The following MARCHF1 variants were observed in gnomAD, a reference collection of about 807,000 sequenced individuals.
MARCHF1 encodes the protein membrane associated ring-CH-type finger 1, also known as E3 ubiquitin-protein ligase MARCHF1.
A neutral mutation model predicts 54.2 loss-of-function variants in MARCHF1; 40 were observed. That is an observed-to-expected ratio of 0.74 (90% CI 0.57 to 0.96). MARCHF1 has a LOEUF of 0.96. MARCHF1 is among the 40% of genes least tolerant of loss of function. The probability of loss-of-function intolerance (pLI) is 0.00; values close to 1 mark genes in which losing one functional copy is unlikely to be tolerated. For synonymous variants in MARCHF1, 236 were observed against 236.3 expected, an observed-to-expected ratio of 1.00 and a Z score of 0.01; for missense variants, 586 against 656.5, an observed-to-expected ratio of 0.89 and a Z score of 1.17.
At chr4:163,915,892 T>C (rs1458449189) in intron 3 of MARCHF1, among the ~76,000 whole-genome samples, 1 of 152,158 alleles carries the variant, frequency 6.6e-6, no homozygotes, top group African/African-American at 2.4e-5. Context: ...CTTTCCTTGA[T>C]TTCCTACTTG....
At chr4:164,091,230 A>G (rs901674320) in intron 2 of MARCHF1, among the ~76,000 whole-genome samples, 8 of 152,014 alleles carry the variant, frequency 5.3e-5, no homozygotes, top group Non-Finnish European at 8.8e-5. Flanking sequence ...AAAGTGTTGA[A>G]TGATATCTTC....
At chr4:164,190,479 G>C (rs1299870532) in intron 1 of MARCHF1, 1 of 311,598 alleles carries the variant, frequency 3.2e-6, no homozygotes, top group Non-Finnish European at 5.8e-6. Context: ...CCAAGTGGCT[G>C]TTTACGGCTT....
At chr4:163,752,928 A>C (rs1488353711) in intron 4 of MARCHF1, among the ~76,000 whole-genome samples, 1 of 152,160 alleles carries the variant, frequency 6.6e-6, no homozygotes, top group Non-Finnish European at 1.5e-5. Flanking sequence ...CTACTTTGCA[A>C]AATAAATTTT....
rs115956075 is a variant in MARCHF1 at position 163,627,169 on chromosome 4, G to T, written c.163-13776C>A. Among the ~76,000 whole-genome samples, 1,194 of 152,180 alleles carry T rather than the reference G, an allele frequency of 7.8e-3. 19 individuals carry two copies. The highest frequency in any genetic ancestry group is 0.027 in the African/African-American group (1,131 of 41,520). ...TCTCATTTATAATATTTCCAACAGT[G>T]GTCATTTGGCCTCTGCTTGAGGCCA... On this transcript the variant is annotated intron_variant, in intron 5 of 9. Coordinates refer to ENST00000514618, the MANE Select transcript of MARCHF1 (RefSeq NM_001394959.1).
chr4:163,625,897 T>C (rs1332943882), intron 5 of MARCHF1, among the ~76,000 whole-genome samples: 5 of 152,226 alleles, frequency 3.3e-5, no homozygotes, highest in African/African-American at 9.6e-5. Flanking sequence ...TTAATGTCTT[T>C]TAAACACATG....
intron 4 of MARCHF1, among the ~76,000 whole-genome samples, chr4:163,852,075 C>A (rs759322942): frequency 6.6e-6 from 1 of 152,100 alleles, no homozygotes; most frequent in Non-Finnish European, 1.5e-5. Context: ...AACTTGATAT[C>A]TTTTTCTTTA....
At position 164,288,693 on chromosome 4, in the gene MARCHF1, G is replaced by A. The variant is rs116979625; in HGVS notation, c.-323+95177C>T. Among the ~76,000 whole-genome samples, 748 of 152,100 alleles carry A rather than the reference G, an allele frequency of 4.9e-3. 15 individuals are homozygous for A. The East Asian group carries it at 0.052, about 11-fold the overall frequency. On this transcript the variant is annotated intron_variant, in intron 1 of 9. Coordinates refer to ENST00000514618, the MANE Select transcript of MARCHF1 (RefSeq NM_001394959.1). ...CCAAAAACTGTAATTATCTCCCCAT[G>A]GTTATATATTATTATGTAAATGCCA...
At chr4:164,296,870 G>A (rs1734424673) in intron 1 of MARCHF1, among the ~76,000 whole-genome samples, 1 of 152,132 alleles carries the variant, frequency 6.6e-6, no homozygotes, top group Admixed American at 6.5e-5. Context: ...AAGAGTATGT[G>A]AAAATTTCTC....
At chr4:164,095,124 G>A (rs1187115976) in intron 2 of MARCHF1, among the ~76,000 whole-genome samples, 1 of 152,018 alleles carries the variant, frequency 6.6e-6, no homozygotes, top group African/African-American at 2.4e-5. Context: ...TTGTTAGACG[G>A]GAGAAAACAG....
At chr4:164,176,976 CTCTCTATATATATATATATATA>C (rs1172569967) in intron 1 of MARCHF1, among the ~76,000 whole-genome samples, 2 of 32,870 alleles carry the variant, frequency 6.1e-5, no homozygotes, top group African/African-American at 2.5e-4. Flanking sequence ...CTCTCTCTCT[CTCTCTATATATATATATATATA>C]TATATATATA....
chr4:163,617,548 A>C (rs1741554691), intron 5 of MARCHF1, among the ~76,000 whole-genome samples: 1 of 145,932 alleles, frequency 6.9e-6, no homozygotes. Flanking sequence ...ACCTCACTTC[A>C]TTCAAGTTTT....
chr4:163,828,482 T>A (rs569838089), intron 4 of MARCHF1, among the ~76,000 whole-genome samples: 23 of 152,288 alleles, frequency 1.5e-4, no homozygotes, highest in African/African-American at 5.3e-4. Context: ...TTCAAAGGAC[T>A]AATGCTAATA....
intron 2 of MARCHF1, among the ~76,000 whole-genome samples, chr4:164,108,692 T>G (rs1020355229): frequency 4.6e-5 from 7 of 152,078 alleles, no homozygotes; most frequent in African/African-American, 1.7e-4. Context: ...AAATATAATG[T>G]TAATTTTATC....
chr4:163,545,669 G>A lies in MARCHF1; in HGVS notation c.1266C>T (p.Ile422=). The A allele has an allele frequency of 5.0e-6, 8 of 1,614,004 alleles. No individual in the cohort carries two copies. Among genetic ancestry groups the A allele is most frequent in the Non-Finnish European group, 6.8e-6 (8 of 1,179,910 alleles). ...FCSVTFHVIA[I]TCVVWSLYVL... is the part of the protein sequence containing the mutation. ...CATACAAAGACCAAACCACACAGGT[G>A]ATCGCGATTACGTGGAATGTGACAG... The change falls in exon 9 of 10, where the codon ATC becomes ATT. Residue 422 remains isoleucine (I), a synonymous_variant. Transcript: ENST00000514618.
intron 4 of MARCHF1, among the ~76,000 whole-genome samples, chr4:163,799,322 T>G (rs906764926): frequency 3.9e-5 from 6 of 152,100 alleles, no homozygotes; most frequent in Admixed American, 1.3e-4. Flanking sequence ...GGCAAGGTAT[T>G]GTATCTAGAT....
rs542301220 is a variant in MARCHF1 at position 163,628,341 on chromosome 4, C to A, written c.163-14948G>T. On this transcript the variant is annotated intron_variant, in intron 5 of 9. Coordinates refer to ENST00000514618, the MANE Select transcript of MARCHF1 (RefSeq NM_001394959.1). Reference sequence around the variant, plus strand: ...CTCAATAGATGCAGAAAAGGCCTTCCGTAAAATTCAACATGCTAAAATCTC... The same window carrying A: ...CTCAATAGATGCAGAAAAGGCCTTCAGTAAAATTCAACATGCTAAAATCTC... Among the ~76,000 whole-genome samples, 19 of 152,038 alleles carry A rather than the reference C, an allele frequency of 1.2e-4. 1 individual carries two copies. The South Asian group carries it at 2.7e-3, about 22-fold the overall frequency.
At position 163,529,060 on chromosome 4, in the gene MARCHF1, AAG is replaced by A; in HGVS notation, c.1340-16_1340-15del. On this transcript the variant is annotated splice_polypyrimidine_tract_variant and intron_variant, in intron 9 of 9. Coordinates refer to ENST00000514618, the MANE Select transcript of MARCHF1 (RefSeq NM_001394959.1). ...ATTCAAGGACACCTTTGAAATGAAA[AAG>A]AGAAAATGTTATCACCAAGTTGTCC... 6.3e-7 allele frequency: 1 copy of A among 1,583,112 alleles called. No homozygotes were observed. The highest frequency in any genetic ancestry group is 1.1e-5 in the South Asian group (1 of 87,124).
At chr4:164,151,303 G>A (rs941035776) in intron 1 of MARCHF1, among the ~76,000 whole-genome samples, 1 of 152,142 alleles carries the variant, frequency 6.6e-6, no homozygotes, top group Non-Finnish European at 1.5e-5. Context: ...TTGAAAGATT[G>A]GTTGCAAGTC....
rs1393221500 is a variant in MARCHF1 at position 163,727,786 on chromosome 4, C to G, written c.112-26923G>C. Among the ~76,000 whole-genome samples the G allele has an allele frequency of 3.3e-5, 5 of 152,188 alleles. No homozygotes were observed. The East Asian group carries it at 5.8e-4, about 18-fold the overall frequency. ...CTCCTGGGCTCAAATGATCCTCCCA[C>G]TTCAGCTTCCCAAGTATCTGGGACT... On this transcript the variant is annotated intron_variant, in intron 4 of 9. Coordinates refer to ENST00000514618, the MANE Select transcript of MARCHF1 (RefSeq NM_001394959.1).
Sources: allele counts gnomAD v4.1 joint callset (sites outside exome capture counted in the v4.1 genomes callset), GRCh38; gene constraint gnomAD v4.1.1; transcripts MANE v1.5; gene names NCBI Gene and HGNC (gene_info 2026-07-23, HGNC 2026-07-21).